LRRC8B: variants seen among roughly 807,000 people sequenced by gnomAD.
LRRC8B encodes the protein leucine rich repeat containing 8 VRAC subunit B.
In LRRC8B, 23 loss-of-function variants were observed where a neutral mutation model predicts 58.8. The ratio of observed to expected loss-of-function variants is 0.39; its 90% confidence interval spans 0.28 to 0.55. LRRC8B has a LOEUF of 0.55. LRRC8B is among the 20% of genes least tolerant of loss of function. LRRC8B has a pLI of 0.62. For missense variants in LRRC8B, 694 were observed against 936.0 expected (o/e 0.74, Z 3.37); for synonymous variants, 359 against 374.1 (o/e 0.96, Z 0.47).
chr1:89,539,051 A>C (rs1650755378), intron 1 of LRRC8B, among the ~76,000 whole-genome samples: 1 of 152,194 alleles, frequency 6.6e-6, no homozygotes, highest in African/African-American at 2.4e-5. Context: ...ATCTGGCTTT[A>C]AAATCTCAGA....
chr1:89,544,919 A>C (rs1651288119), intron 1 of LRRC8B, among the ~76,000 whole-genome samples: 1 of 152,240 alleles, frequency 6.6e-6, no homozygotes, highest in South Asian at 2.1e-4. Context: ...ATTGGATACA[A>C]TTGGAAAGTT....
Position 89,593,117 on chromosome 1 carries a change from A to G in LRRC8B, c.*74A>G, listed in dbSNP as rs891944719. On this transcript the variant is annotated 3_prime_UTR_variant, in exon 6 of 6. Transcript: ENST00000330947. ...CGGCCGGGCGTGGTGGCTCATGCCT[A>G]TAATCCCAGCACTTTGGGAGGCCAA... 13 of 1,478,338 alleles carry G rather than the reference A, an allele frequency of 8.8e-6. No individual in the cohort carries two copies. Among genetic ancestry groups the G allele is most frequent in the African/African-American group, 1.4e-5 (1 of 71,886 alleles). The allele number at this position is 1,478,338 out of a possible 1,614,324, so 91.6% of individuals were successfully genotyped here.
Position 89,596,483 on chromosome 1 carries a change from T to C in LRRC8B, c.*3440T>C, listed in dbSNP as rs1355721522. The C allele has an allele frequency of 2.0e-5, 3 of 152,136 alleles. No individual in the cohort carries two copies. Among genetic ancestry groups the C allele is most frequent in the Non-Finnish European group, 4.4e-5 (3 of 67,972 alleles). The allele number at this position is 152,136 out of a possible 1,614,324, so 9.4% of individuals were successfully genotyped here. A position where few individuals can be genotyped will look rare whatever the true frequency, so the allele number is the denominator to read the frequency against. The stretch of plus-strand genomic sequence containing the variant: ...TTGATAGTGAAAAATTTTTTTTCGG[T>C]TCAAGTGTTTTGTGATTAAAATTTT... On this transcript the variant is annotated 3_prime_UTR_variant, in exon 6 of 6. Transcript: ENST00000330947.
intron 1 of LRRC8B, among the ~76,000 whole-genome samples, chr1:89,547,220 A>G (rs1401583832): frequency 1.0e-5 from 1 of 97,644 alleles, no homozygotes; most frequent in African/African-American, 4.1e-5. Flanking sequence ...GAAAATGGCA[A>G]AGAACCAGGG....
intron 4 of LRRC8B, among the ~76,000 whole-genome samples, chr1:89,582,230 AAAAG>A (rs113479814): frequency 3.3e-4 from 50 of 150,332 alleles, no homozygotes; most frequent in Non-Finnish European, 5.2e-4. Context: ...AAGGAAGAAA[AAAAG>A]AAAGAAAGAA....
At chr1:89,558,345 T>C (rs564938718) in intron 1 of LRRC8B, among the ~76,000 whole-genome samples, 76 of 152,238 alleles carry the variant, frequency 5.0e-4, no homozygotes, top group African/African-American at 1.7e-3. Context: ...CTCTTTCCCC[T>C]CACTTCCCAT....
At chr1:89,543,676 A>G (rs1021042105) in intron 1 of LRRC8B, among the ~76,000 whole-genome samples, 2 of 142,544 alleles carry the variant, frequency 1.4e-5, no homozygotes, top group Non-Finnish European at 3.0e-5. Context: ...TTTTTTTTTT[A>G]GTAGAGATGA....
chr1:89,541,515 TC>T (rs1432008315), intron 1 of LRRC8B, among the ~76,000 whole-genome samples: 1 of 150,992 alleles, frequency 6.6e-6, no homozygotes, highest in Non-Finnish European at 1.5e-5. Flanking sequence ...ATCGAGACCA[TC>T]CCGGCTAAAA....
chr1:89,586,228 T>C (rs1254133045), intron 5 of LRRC8B, among the ~76,000 whole-genome samples: 2 of 152,154 alleles, frequency 1.3e-5, no homozygotes, highest in Non-Finnish European at 2.9e-5. Flanking sequence ...ACCCAAGAGT[T>C]TGCATTTCTA....
Position 89,595,093 on chromosome 1 carries a change from A to G in LRRC8B, c.*2050A>G, listed in dbSNP as rs150956863. ...TAGCTATCAGGAATATAGGACACCA[A>G]ACACACTGCCTCACACATTATTGTT... On this transcript the variant is annotated 3_prime_UTR_variant, in exon 6 of 6. Coordinates refer to ENST00000330947, the MANE Select transcript of LRRC8B (RefSeq NM_001369817.2). The G allele has an allele frequency of 1.8e-4, 28 of 152,318 alleles. No homozygotes were observed. Among genetic ancestry groups the G allele is most frequent in the African/African-American group, 4.6e-4 (19 of 41,558 alleles). 9.4% of individuals were successfully genotyped at this position (152,318 alleles called of 1,614,324 possible). A position where few individuals can be genotyped will look rare whatever the true frequency, so the allele number is the denominator to read the frequency against.
At position 89,568,293 on chromosome 1, in the gene LRRC8B, A is replaced by T. The variant is rs548382514; in HGVS notation, c.-194A>T. On this transcript the variant is annotated 5_prime_UTR_variant, in exon 2 of 6. An upstream start codon of the reference 5' UTR is lost. Transcript: ENST00000330947. Reference sequence around the variant, plus strand: ...GAGAAGTCAGAAGGTGATCTCTTTAATGCTTTCTTTTTAAGTAAGTTATCT... The same window carrying T: ...GAGAAGTCAGAAGGTGATCTCTTTATTGCTTTCTTTTTAAGTAAGTTATCT... 47 of 152,280 alleles carry T rather than the reference A, an allele frequency of 3.1e-4. No homozygotes were observed. The highest frequency in any genetic ancestry group is 1.0e-3 in the African/African-American group (43 of 41,578). 9.4% of individuals were successfully genotyped at this position (152,280 alleles called of 1,614,324 possible).
intron 5 of LRRC8B, among the ~76,000 whole-genome samples, chr1:89,592,216 G>A (rs988806452): frequency 6.6e-6 from 1 of 152,122 alleles, no homozygotes; most frequent in African/African-American, 2.4e-5. Context: ...AGGTGTATGT[G>A]TATGTAGAGG....
Position 89,593,101 on chromosome 1 carries a change from G to T in LRRC8B, c.*58G>T. Reference sequence around the variant, plus strand: ...TTTTTAAAAGTATGCTCGGCCGGGCGTGGTGGCTCATGCCTATAATCCCAG... The same window carrying T: ...TTTTTAAAAGTATGCTCGGCCGGGCTTGGTGGCTCATGCCTATAATCCCAG... On this transcript the variant is annotated 3_prime_UTR_variant, in exon 6 of 6. Transcript: ENST00000330947. 6.4e-7 allele frequency: 1 copy of T among 1,554,162 alleles called. No homozygotes were observed. The highest frequency in any genetic ancestry group is 8.8e-7 in the Non-Finnish European group (1 of 1,137,864).
At chr1:89,555,046 T>C (rs1652079273) in intron 1 of LRRC8B, among the ~76,000 whole-genome samples, 2 of 152,126 alleles carry the variant, frequency 1.3e-5, no homozygotes, top group Admixed American at 1.3e-4. Context: ...CCATTGAAAC[T>C]CTGTTTCCAG....
chr1:89,581,374 A>G (rs1654214592), intron 4 of LRRC8B, among the ~76,000 whole-genome samples: 1 of 152,006 alleles, frequency 6.6e-6, no homozygotes, highest in African/African-American at 2.4e-5. Context: ...AAGACTTCAG[A>G]CTCAAGAAAA....
chr1:89,562,770 A>T (rs777849173), intron 1 of LRRC8B, among the ~76,000 whole-genome samples: 31 of 152,146 alleles, frequency 2.0e-4, no homozygotes, highest in Non-Finnish European at 3.8e-4. Flanking sequence ...TTGCCTGACC[A>T]TATTGCTATT....
Position 89,533,751 on chromosome 1 carries a change from G to A in LRRC8B, c.-241+8729G>A, listed in dbSNP as rs151149810. Among the ~76,000 whole-genome samples, 287 of 152,262 alleles carry A rather than the reference G, an allele frequency of 1.9e-3. 3 individuals carry two copies. The highest frequency in any genetic ancestry group is 6.3e-3 in the African/African-American group (262 of 41,542). Reference sequence around the variant, plus strand: ...GGCCAGACTTCGTACATGGCATACCGTGGGCATGCAGTGGATATCCAGGAG... The same window carrying A: ...GGCCAGACTTCGTACATGGCATACCATGGGCATGCAGTGGATATCCAGGAG... On this transcript the variant is annotated intron_variant, in intron 1 of 5. Transcript: ENST00000330947.
intron 1 of LRRC8B, among the ~76,000 whole-genome samples, chr1:89,538,404 A>G (rs552698462): frequency 2.0e-5 from 3 of 152,240 alleles, no homozygotes; most frequent in African/African-American, 7.2e-5. Flanking sequence ...GACAGGAGAG[A>G]ATGTTCCTCT....
At chr1:89,542,683 A>G (rs1034297769) in intron 1 of LRRC8B, among the ~76,000 whole-genome samples, 4 of 152,246 alleles carry the variant, frequency 2.6e-5, no homozygotes, top group Admixed American at 6.5e-5. Flanking sequence ...TAACTGTCTC[A>G]GTTGCCAATC....
Sources: gnomAD v4.1 joint callset for allele counts (sites outside exome capture counted in the v4.1 genomes callset) on GRCh38, gnomAD v4.1.1 for gene constraint, MANE v1.5 for transcripts, NCBI Gene and HGNC (gene_info 2026-07-23, HGNC 2026-07-21) for gene names.